TGFBRAP1: variants seen among roughly 807,000 people sequenced by gnomAD.
The protein encoded by TGFBRAP1 is transforming growth factor-beta receptor-associated protein 1.
In TGFBRAP1, 20 loss-of-function variants were observed where a neutral mutation model predicts 83.2. The ratio of observed to expected loss-of-function variants is 0.24; its 90% CI spans 0.17 to 0.35. The LOEUF (loss-of-function observed/expected upper bound fraction) is 0.35. Ranked by LOEUF, TGFBRAP1 falls within the 10% of genes least tolerant of loss-of-function variation. TGFBRAP1 has a pLI of 1.00. For missense variants in TGFBRAP1, 950 were observed against 1,099.4 expected (o/e 0.86, Z 1.92); for synonymous variants, 415 against 459.8 (o/e 0.90, Z 1.25).
chr2:105,307,358 G>C (rs531459029), intron 2 of TGFBRAP1, among the ~76,000 whole-genome samples: 1 of 152,196 alleles, frequency 6.6e-6, no homozygotes, highest in South Asian at 2.1e-4. Flanking sequence ...CCACTTCCCG[G>C]TAACACCACC....
intron 11 of TGFBRAP1, among the ~76,000 whole-genome samples, chr2:105,268,752 A>AAAG (rs1201700171): frequency 6.6e-6 from 1 of 152,218 alleles, no homozygotes; most frequent in Non-Finnish European, 1.5e-5. Flanking sequence ...GGCCCACAAG[A>AAAG]AAGAAGTCTC....
At chr2:105,325,475 C>T (rs568708878) in intron 1 of TGFBRAP1, among the ~76,000 whole-genome samples, 1 of 152,264 alleles carries the variant, frequency 6.6e-6, no homozygotes, top group African/African-American at 2.4e-5. Context: ...GACTCCAAGG[C>T]CATATTCTTA....
At chr2:105,260,206 C>T (rs1000441466), downstream of TGFBRAP1, among the ~76,000 whole-genome samples, 38 of 152,130 alleles carry the variant, frequency 2.5e-4, no homozygotes, top group Admixed American at 7.2e-4. Flanking sequence ...GTCAGGAGTT[C>T]GAGACCAGCC....
intron 4 of TGFBRAP1, among the ~76,000 whole-genome samples, chr2:105,289,272 G>C (rs1224795014): frequency 6.6e-6 from 1 of 152,144 alleles, no homozygotes; most frequent in Non-Finnish European, 1.5e-5. Flanking sequence ...GTGACTTAGA[G>C]AGAAAAATGA....
At chr2:105,251,899 T>A in the TGFBRAP1 span, among the ~76,000 whole-genome samples, 1 of 149,596 alleles carries the variant, frequency 6.7e-6, no homozygotes, top group Non-Finnish European at 1.5e-5. Flanking sequence ...TTGAATGGAT[T>A]AAGGGTGGTG....
chr2:105,327,912 G>A (rs1008604421), intron 1 of TGFBRAP1, among the ~76,000 whole-genome samples: 1 of 152,172 alleles, frequency 6.6e-6, no homozygotes, highest in Non-Finnish European at 1.5e-5. Context: ...ATAGCAAATT[G>A]GAATTCAGAA....
chr2:105,293,438 C>G (rs954135394), intron 4 of TGFBRAP1, among the ~76,000 whole-genome samples: 1 of 152,184 alleles, frequency 6.6e-6, no homozygotes, highest in African/African-American at 2.4e-5. Flanking sequence ...AACTTCTTGA[C>G]AAACCCCTTG....
rs1164108779 is a variant in TGFBRAP1, at chr2:105,267,563, C to T, written c.2407-4G>A. ...TTGAGCTTCCTTTCAACTTCATCTG[C>T]AAGAAGAAACCAAGACTGAGAATGC... On this transcript the variant is annotated splice_polypyrimidine_tract_variant and splice_region_variant and intron_variant, in intron 11 of 11. Coordinates refer to ENST00000393359, the MANE Select transcript of TGFBRAP1 (RefSeq NM_004257.6). 3 of 1,613,952 alleles carry T rather than the reference C, an allele frequency of 1.9e-6. No homozygotes were observed. Among genetic ancestry groups the T allele is most frequent in the East Asian group, 4.5e-5 (2 of 44,884 alleles).
intron 4 of TGFBRAP1, among the ~76,000 whole-genome samples, chr2:105,294,940 G>A (rs1285918730): frequency 2.0e-5 from 3 of 152,180 alleles, no homozygotes; most frequent in Admixed American, 6.5e-5. Context: ...CATCCACCGA[G>A]AGCAGCTTGC....
rs118166792 is a variant in TGFBRAP1, at chr2:105,322,579, C to T, written c.-18+7046G>A. On this transcript the variant is annotated intron_variant, in intron 1 of 11. Coordinates refer to ENST00000393359, the MANE Select transcript of TGFBRAP1 (RefSeq NM_004257.6). ...TCCCTTTTCTGTGTTTAGATGTGTT[C>T]AGATACACACATACTTTGGTGTTAC... Among the ~76,000 whole-genome samples, 151 of 152,160 alleles carry T rather than the reference C, an allele frequency of 9.9e-4. 2 individuals are homozygous for T. The East Asian group carries it at 0.029, about 29-fold the overall frequency.
At chr2:105,326,180 A>G (rs1310075122) in intron 1 of TGFBRAP1, among the ~76,000 whole-genome samples, 4 of 152,178 alleles carry the variant, frequency 2.6e-5, no homozygotes, top group Admixed American at 2.6e-4. Flanking sequence ...ATAAACATAT[A>G]TTTATATACA....
At chr2:105,310,153 A>C (rs1000530233) in intron 1 of TGFBRAP1, among the ~76,000 whole-genome samples, 2 of 152,218 alleles carry the variant, frequency 1.3e-5, no homozygotes, top group Non-Finnish European at 2.9e-5. Flanking sequence ...AAATGAGAAT[A>C]ACGGTACCTA....
intron 6 of TGFBRAP1, among the ~76,000 whole-genome samples, 159 bp downstream of exon 6, chr2:105,280,223 G>A (rs190987940): frequency 1.3e-5 from 2 of 152,256 alleles, no homozygotes; most frequent in East Asian, 3.9e-4. Flanking sequence ...AGGAGCACAT[G>A]CATCTGCTGT....
chr2:105,289,292 G>A (rs11894421), intron 4 of TGFBRAP1, among the ~76,000 whole-genome samples: 2,726 of 152,190 alleles, frequency 0.018, 91 homozygotes, highest in African/African-American at 0.062. Flanking sequence ...ATGTGCTAAG[G>A]AAGAAAAAGG....
rs1475549963 is a variant in TGFBRAP1 at position 105,315,126 on chromosome 2, TA to T, written c.-17-6809del. On this transcript the variant is annotated intron_variant, in intron 1 of 11. Coordinates refer to ENST00000393359, the MANE Select transcript of TGFBRAP1 (RefSeq NM_004257.6). ...ATTTCTAGCCCCAAAATTAGATACT[TA>T]AAAAAAACTTACAATAGTAGAAAAT... 2.6e-5 allele frequency among the ~76,000 whole-genome samples: 4 copies of T among 151,732 alleles called. No individual in the cohort carries two copies. The East Asian group carries it at 5.8e-4, about 22-fold the overall frequency.
In TGFBRAP1 at chr2:105,317,415, G is replaced by T. The variant is rs1468448445; in HGVS notation, c.-17-9097C>A. 2.0e-4 allele frequency among the ~76,000 whole-genome samples: 29 copies of T among 146,992 alleles called. 1 individual carries two copies. The highest frequency in any genetic ancestry group is 1.5e-5 in the Non-Finnish European group (1 of 67,366). On this transcript the variant is annotated intron_variant, in intron 1 of 11. Coordinates refer to ENST00000393359, the MANE Select transcript of TGFBRAP1 (RefSeq NM_004257.6). ...TCGTGCCACTGCACTCCAGCCTGGC[G>T]ACAGAGTGAGACTCATCTCAAAAAA... is the stretch of plus-strand genomic sequence containing the variant.
rs1678567221 is a variant in TGFBRAP1 at position 105,307,947 on chromosome 2, C to T, written c.355G>A (p.Ala119Thr). The change falls in exon 2 of 12, where the codon GCA becomes ACA. Residue 119 changes from alanine to threonine, a missense_variant. Ala to Thr is a moderately conservative substitution (Grantham distance 58). Transcript: ENST00000393359. ...TTCTCGTTCAGTGCAAACGTGGCTG[C>T]CCCCTTGATGCGGGCCCCCGAAGGC... is the stretch of plus-strand genomic sequence containing the variant. ...PVPSGARIKGAATFALNENPV... is the reference protein window; with the variant it reads ...PVPSGARIKGTATFALNENPV... 2.5e-6 allele frequency: 4 copies of T among 1,614,226 alleles called. No individual in the cohort carries two copies. Among genetic ancestry groups the T allele is most frequent in the South Asian group, 1.1e-5 (1 of 91,090 alleles).
chr2:105,311,166 AAAC>A (rs1678679159), intron 1 of TGFBRAP1, among the ~76,000 whole-genome samples: 2 of 151,742 alleles, frequency 1.3e-5, no homozygotes, highest in African/African-American at 4.8e-5. Context: ...AAAAAACAAA[AAAC>A]AAAAAAACAT....
the TGFBRAP1 span, among the ~76,000 whole-genome samples, chr2:105,257,013 A>C: frequency 0.16 from 25,044 of 152,268 alleles, 2,649 homozygotes; most frequent in Non-Finnish European, 0.23. Flanking sequence ...AACGGGAGGC[A>C]TGAATAATCC....
Sources: gnomAD v4.1 joint callset for allele counts (sites outside exome capture counted in the v4.1 genomes callset) on GRCh38, gnomAD v4.1.1 for gene constraint, MANE v1.5 for transcripts, NCBI Gene and HGNC (gene_info 2026-07-23, HGNC 2026-07-21) for gene names.